KIF1C: variants seen among roughly 807,000 people sequenced by gnomAD.
The protein encoded by KIF1C is kinesin family member 1C.
Under a neutral mutation model 126.5 loss-of-function variants are expected in KIF1C, and 61 were observed. The observed-to-expected ratio is 0.48, with a 90% CI of 0.39 to 0.60. The LOEUF (loss-of-function observed/expected upper bound fraction) is 0.60, where lower values mean the gene tolerates loss of function less well. Among genes scored for constraint, KIF1C ranks in the 20% least tolerant of loss-of-function variants. KIF1C has a pLI of 0.00. For synonymous variants in KIF1C, 640 were observed against 580.6 expected (o/e 1.10, Z -1.47); for missense variants, 1,315 against 1,489.2 (o/e 0.88, Z 1.93).
At chr17:5,017,558 C>T (rs1465537698) in intron 18 of KIF1C, among the ~76,000 whole-genome samples, 2 of 152,164 alleles carry the variant, frequency 1.3e-5, no homozygotes, top group Admixed American at 6.5e-5. Context: ...CCCGCCTCGG[C>T]CTCCCAAAGT....
chr17:5,003,772 T>C, intron 9 of KIF1C, 79 bp from the exon 10 acceptor site: 2 of 1,554,046 alleles, frequency 1.3e-6, no homozygotes, highest in Non-Finnish European at 8.9e-7. Context: ...CCTGAGACTC[T>C]CACTGGGGAG....
In KIF1C at chr17:5,002,832, A is replaced by T; in HGVS notation, c.710A>T (p.Asp237Val). ...QRCHDQLTGL[D>V]SEKVSKISLV... The stretch of plus-strand genomic sequence containing the variant: ...TGCCATGACCAGCTCACGGGGCTGG[A>T]CTCGGAGAAGGTGGGATCGCCCCCC... Residue 237 changes from aspartate (D) to valine (V), a missense_variant, in exon 8 of 23, where the codon GAC (aspartate) becomes GTC (valine). Physicochemically the swap from Asp to Val is radical, Grantham distance 152. This residue lies in a region of KIF1C where 874 missense variants were observed against 1,053.2 expected (regional missense o/e 0.83). Coordinates refer to ENST00000320785, the MANE Select transcript of KIF1C (RefSeq NM_006612.6). 1 of 1,603,380 alleles carries T rather than the reference A, an allele frequency of 6.2e-7. No homozygotes were observed. Among genetic ancestry groups the T allele is most frequent in the South Asian group, 1.1e-5 (1 of 90,810 alleles).
At position 5,023,890 on chromosome 17, in the gene KIF1C, C is replaced by CCGCCGG; in HGVS notation, c.3053_3058dup (p.Arg1018_Arg1019dup). ...TCACTCCCCATCCAGCCACCCCTGCCCGCCGGCCTCCGAGTCCCCGAAGGT... is the reference window on the plus strand; with the variant it reads ...TCACTCCCCATCCAGCCACCCCTGCCCGCCGGCGCCGGCCTCCGAGTCCCCGAAGGT... On this transcript the variant is annotated inframe_insertion, in exon 23 of 23. Coordinates refer to ENST00000320785, the MANE Select transcript of KIF1C (RefSeq NM_006612.6). The surrounding 1 kb of genome is among the most constrained non-coding windows in gnomAD (Gnocchi z 4.2). 6.5e-7 allele frequency: 1 copy of CCGCCGG among 1,546,486 alleles called. No individual in the cohort carries two copies. Among genetic ancestry groups the CCGCCGG allele is most frequent in the Non-Finnish European group, 8.7e-7 (1 of 1,146,246 alleles).
At chr17:5,011,900 G>T (rs1001124343) in intron 16 of KIF1C, 4 of 152,258 alleles carry the variant, frequency 2.6e-5, no homozygotes, top group African/African-American at 9.7e-5. Flanking sequence ...TGTCCTCAAA[G>T]GCTGGCTCCC....
In KIF1C at chr17:5,022,466, C is replaced by G. The variant is rs369481245; in HGVS notation, c.2385C>G (p.Ala795=). The change falls in exon 22 of 23, where the codon GCC becomes GCG. Residue 795 remains alanine (A), a synonymous_variant. Coordinates refer to ENST00000320785, the MANE Select transcript of KIF1C (RefSeq NM_006612.6). This position sits in a 1 kb window ranked among gnomAD's most constrained non-coding sequence, Gnocchi z 4.9. ...TYGKPDGPGD[A]WRAVARDVWD... Reference sequence around the variant, plus strand: ...GCAAGCCAGACGGCCCCGGAGACGCCTGGAGGGCTGTGGCCCGGGATGTCT... The same window carrying G: ...GCAAGCCAGACGGCCCCGGAGACGCGTGGAGGGCTGTGGCCCGGGATGTCT... The G allele has an allele frequency of 1.6e-5, 26 of 1,586,004 alleles. No homozygotes were observed. In the African/African-American group the frequency reaches 2.3e-4, roughly 14 times the overall value.
rs1265323607 is a variant in KIF1C, at chr17:5,028,184, T to C, written c.*4033T>C. 1 of 152,206 alleles carries C rather than the reference T, an allele frequency of 6.6e-6. No individual in the cohort carries two copies. Among genetic ancestry groups the C allele is most frequent in the Non-Finnish European group, 1.5e-5 (1 of 68,040 alleles). 9.4% of individuals were successfully genotyped at this position (152,206 alleles called of 1,614,324 possible). A position where few individuals can be genotyped will look rare whatever the true frequency, so the allele number is the denominator to read the frequency against. On this transcript the variant is annotated 3_prime_UTR_variant, in exon 23 of 23. Coordinates refer to ENST00000320785, the MANE Select transcript of KIF1C (RefSeq NM_006612.6). ...AATCTCAGTTTTCTAGCTCACTCCG[T>C]CTTGACATTTCTACACTGTCATCCT...
chr17:4,999,523 T>C (rs72838325), intron 1 of KIF1C, among the ~76,000 whole-genome samples: 1 of 152,216 alleles, frequency 6.6e-6, no homozygotes, highest in Non-Finnish European at 1.5e-5. Context: ...TCTAATTTTC[T>C]TGGTGTCTGT....
At position 5,024,111 on chromosome 17, in the gene KIF1C, G is replaced by T. The variant is rs201800868; in HGVS notation, c.3272G>T (p.Arg1091Leu). 1 of 1,610,608 alleles carries T rather than the reference G, an allele frequency of 6.2e-7. No homozygotes were observed. Among genetic ancestry groups the T allele is most frequent in the East Asian group, 2.2e-5 (1 of 44,642 alleles). The change falls in exon 23 of 23, where the codon CGT (arginine) becomes CTT (leucine). Residue 1091 changes from arginine to leucine, a missense_variant. Transcript: ENST00000320785. Reference protein sequence around the residue: ...YTTPPRMRRQRSAPDLKESGA... With the variant: ...YTTPPRMRRQLSAPDLKESGA... Reference sequence around the variant, plus strand: ...ACTCCCCCACGAATGAGACGGCAGCGTTCTGCCCCTGACCTCAAGGAGAGT... The same window carrying T: ...ACTCCCCCACGAATGAGACGGCAGCTTTCTGCCCCTGACCTCAAGGAGAGT...
intron 21 of KIF1C, among the ~76,000 whole-genome samples, chr17:5,021,367 G>C (rs2039890006): frequency 6.6e-6 from 1 of 151,844 alleles, no homozygotes; most frequent in Non-Finnish European, 1.5e-5. Context: ...GTAGAGACAG[G>C]GTTTCACCAT....
At chr17:5,008,872 G>A (rs955704262) in intron 16 of KIF1C, among the ~76,000 whole-genome samples, 1 of 152,186 alleles carries the variant, frequency 6.6e-6, no homozygotes, top group Non-Finnish European at 1.5e-5. Context: ...CTGGAGCTGG[G>A]CCGCTTCCAC....
intron 16 of KIF1C, among the ~76,000 whole-genome samples, chr17:5,008,330 C>T (rs912025985): frequency 1.1e-4 from 16 of 152,296 alleles, no homozygotes; most frequent in East Asian, 1.9e-4. Context: ...ACCGCTGTAC[C>T]GGTGCATACC....
chr17:5,020,991 G>A lies in KIF1C; in HGVS notation c.2010+113G>A, dbSNP rs1975078248. The A allele has an allele frequency of 1.7e-5, 15 of 904,834 alleles. No homozygotes were observed. The highest frequency in any genetic ancestry group is 2.4e-5 in the Non-Finnish European group (14 of 572,132). 56.1% of individuals were successfully genotyped at this position (904,834 alleles called of 1,614,324 possible). On this transcript the variant is annotated intron_variant, in intron 21 of 22. Transcript: ENST00000320785. The surrounding 1 kb of genome is among the most constrained non-coding windows in gnomAD (Gnocchi z 5.8). ...GTGGGAAATGGGCATGGGGGTAAGG[G>A]GAAGGGTCCAAGAGGAAAAAGCCAG...
intron 18 of KIF1C, 129 bp downstream of exon 18, chr17:5,014,966 T>A (rs1778785972): frequency 1.4e-6 from 1 of 725,874 alleles, no homozygotes; most frequent in Non-Finnish European, 2.3e-6. Flanking sequence ...TGTGGCCTTG[T>A]CCTCAGAGGG....
At position 5,020,162 on chromosome 17, in the gene KIF1C, T is replaced by C; in HGVS notation, c.1750+83T>C. 2.0e-6 allele frequency: 2 copies of C among 1,003,900 alleles called. No homozygotes were observed. Among genetic ancestry groups the C allele is most frequent in the East Asian group, 5.2e-5 (2 of 38,510 alleles). The allele number at this position is 1,003,900 out of a possible 1,614,324, so 62.2% of individuals were successfully genotyped here. A position where few individuals can be genotyped will look rare whatever the true frequency, so the allele number is the denominator to read the frequency against. On this transcript the variant is annotated intron_variant, in intron 19 of 22. Coordinates refer to ENST00000320785, the MANE Select transcript of KIF1C (RefSeq NM_006612.6). This position sits in a 1 kb window ranked among gnomAD's most constrained non-coding sequence, Gnocchi z 5.8. ...AAGGGAGGTCCTTCTGGGTGCATCCTAGAGGAGGACCCTGAAATACATCAG... is the reference window on the plus strand; with the variant it reads ...AAGGGAGGTCCTTCTGGGTGCATCCCAGAGGAGGACCCTGAAATACATCAG...
rs964447711 is a variant in KIF1C, at chr17:5,009,265, C to T, written c.1491+1723C>T. ...TGCAATCTTGGCTGACTGCAACCTC[C>T]GCCTCCTGGGTTCATACGATTCTTC... On this transcript the variant is annotated intron_variant, in intron 16 of 22. Coordinates refer to ENST00000320785, the MANE Select transcript of KIF1C (RefSeq NM_006612.6). 3.0e-4 allele frequency among the ~76,000 whole-genome samples: 45 copies of T among 151,698 alleles called. 1 individual carries two copies. Among genetic ancestry groups the T allele is most frequent in the Admixed American group, 1.4e-3 (21 of 15,252 alleles).
rs1269033508 is a variant in KIF1C at position 4,999,266 on chromosome 17, AG to A, written c.-148-582del. On this transcript the variant is annotated intron_variant, in intron 1 of 22. Coordinates refer to ENST00000320785, the MANE Select transcript of KIF1C (RefSeq NM_006612.6). ...TCTGCACTACTGGCCTGGTGCATGGAGGTTGTGGGCCTCAGGTGGAAACTAG... is the reference window on the plus strand; with the variant it reads ...TCTGCACTACTGGCCTGGTGCATGGAGTTGTGGGCCTCAGGTGGAAACTAG... Among the ~76,000 whole-genome samples the A allele has an allele frequency of 2.6e-5, 4 of 152,150 alleles. No individual in the cohort carries two copies. The East Asian group carries it at 7.7e-4, about 29-fold the overall frequency.
chr17:5,003,830 A>C (rs1457446113), intron 9 of KIF1C, 21 bp from the exon 10 acceptor site: 1 of 1,609,222 alleles, frequency 6.2e-7, no homozygotes, highest in Non-Finnish European at 8.5e-7. Flanking sequence ...TCTCATCCCC[A>C]CATTCCTCAT....
rs391271 is a variant in KIF1C at position 5,004,694 on chromosome 17, A to G, written c.1019+49A>G. The stretch of plus-strand genomic sequence containing the variant: ...GATGGGGCAGCATAGGAAGAGTGCC[A>G]GGAGTTCAGAGGCGAGTTGCTCAGG... On this transcript the variant is annotated intron_variant, in intron 12 of 22. Coordinates refer to ENST00000320785, the MANE Select transcript of KIF1C (RefSeq NM_006612.6). The G allele has an allele frequency of 0.14, 223,702 of 1,595,338 alleles. 17,830 individuals are homozygous for G. Among genetic ancestry groups the G allele is most frequent in the Non-Finnish European group, 0.17 (195,646 of 1,163,670 alleles).
chr17:5,025,420 T>C lies in KIF1C; in HGVS notation c.*1269T>C, dbSNP rs1440468492. 6.6e-6 allele frequency: 1 copy of C among 152,254 alleles called. No individual in the cohort carries two copies. The highest frequency in any genetic ancestry group is 1.5e-5 in the Non-Finnish European group (1 of 68,056). 9.4% of individuals were successfully genotyped at this position (152,254 alleles called of 1,614,324 possible). A position where few individuals can be genotyped will look rare whatever the true frequency, so the allele number is the denominator to read the frequency against. ...CCAGTTTCTCTTGATAGTGAATGGGTTGGGCAAGCATACTGCGCTTACCTG... is the reference window on the plus strand; with the variant it reads ...CCAGTTTCTCTTGATAGTGAATGGGCTGGGCAAGCATACTGCGCTTACCTG... On this transcript the variant is annotated 3_prime_UTR_variant, in exon 23 of 23. Transcript: ENST00000320785.
Sources: allele counts gnomAD v4.1 joint callset (sites outside exome capture counted in the v4.1 genomes callset), GRCh38; gene constraint gnomAD v4.1.1; regional missense constraint gnomAD v4.1.1; non-coding constraint Gnocchi (gnomAD v3.1); transcripts MANE v1.5; gene names NCBI Gene and HGNC (gene_info 2026-07-23, HGNC 2026-07-21).